The following UTP18 variants were observed in gnomAD, a reference collection of about 807,000 sequenced individuals.
UTP18 encodes UTP18 small subunit processome component.
UTP18 carries 36 observed loss-of-function variants against 61.1 expected under a neutral mutation model. The ratio of observed to expected loss-of-function variants is 0.59; its 90% confidence interval spans 0.45 to 0.78. The LOEUF is 0.78. Among genes scored for constraint, UTP18 ranks in the 30% least tolerant of loss-of-function variants. The probability of loss-of-function intolerance (pLI) is 0.00; values close to 1 mark genes in which losing one functional copy is unlikely to be tolerated. For synonymous variants in UTP18, 282 were observed against 251.1 expected, an observed-to-expected ratio of 1.12 and a Z score of -1.16; for missense variants, 753 against 693.9, an observed-to-expected ratio of 1.09 and a Z score of -0.96.
rs777916347 is a variant in UTP18 at position 51,280,477 on chromosome 17, C to T, written c.1202C>T (p.Ser401Leu). Residue 401 changes from serine to leucine, a missense_variant and splice_region_variant, in exon 9 of 14, where the codon TCG (serine) becomes TTG (leucine). Transcript: ENST00000225298. ...SSDSKKVYAS[S>L]GDGEVYVWDV... Reference sequence around the variant, plus strand: ...GATAGTAAGAAAGTATACGCCTCTTCGGGTAAGACAACGACATGAAAGAAG... The same window carrying T: ...GATAGTAAGAAAGTATACGCCTCTTTGGGTAAGACAACGACATGAAAGAAG... 7.9e-5 allele frequency: 128 copies of T among 1,613,524 alleles called. 2 individuals are homozygous for T. The East Asian group carries it at 2.5e-3, about 31-fold the overall frequency.
At chr17:51,262,550 G>C (rs2055517493) in intron 1 of UTP18, among the ~76,000 whole-genome samples, 1 of 152,100 alleles carries the variant, frequency 6.6e-6, no homozygotes, top group Non-Finnish European at 1.5e-5. Flanking sequence ...TTTGCTAATA[G>C]TAACTGGTTG....
chr17:51,285,691 C>T (rs978305164), intron 10 of UTP18, among the ~76,000 whole-genome samples: 27 of 152,134 alleles, frequency 1.8e-4, no homozygotes, highest in African/African-American at 6.5e-4. Context: ...TATATTGTTA[C>T]AATTGTTCTG....
chr17:51,261,093 C>T (rs774179433), intron 1 of UTP18, among the ~76,000 whole-genome samples, 167 bp downstream of exon 1: 2 of 152,366 alleles, frequency 1.3e-5, no homozygotes, highest in Admixed American at 1.3e-4. Context: ...GGTCCCTCGC[C>T]TCCCTGCTCC....
At chr17:51,281,450 GT>G (rs1272681894) in intron 9 of UTP18, among the ~76,000 whole-genome samples, 1 of 151,714 alleles carries the variant, frequency 6.6e-6, no homozygotes, top group African/African-American at 2.4e-5. Context: ...TTGTCACTTG[GT>G]TTTCAGGAAA....
chr17:51,260,823 T>C lies in UTP18; in HGVS notation c.239T>C (p.Leu80Pro), dbSNP rs1598468750. Residue 80 changes from leucine (L) to proline (P), a missense_variant, in exon 1 of 14, where the codon CTG (leucine) becomes CCG (proline). Physicochemically the swap from Leu to Pro is moderately conservative, Grantham distance 98 (BLOSUM62 -3). Transcript: ENST00000225298. ...CTCCGGCAGCGGAACCGCCTGAGGC[T>C]GGAGGAGGACAAACCGGCCGTGGAG... is the stretch of plus-strand genomic sequence containing the variant. ...RRLRQRNRLR[L>P]EEDKPAVERC... 5.0e-6 allele frequency: 8 copies of C among 1,595,366 alleles called. No individual in the cohort carries two copies. Among genetic ancestry groups the C allele is most frequent in the Non-Finnish European group, 6.8e-6 (8 of 1,172,024 alleles).
chr17:51,269,294 CAAAAAAAAAAAAAAAAAAAAA>C (rs58681434), intron 4 of UTP18, among the ~76,000 whole-genome samples: 2 of 66,666 alleles, frequency 3.0e-5, no homozygotes, highest in East Asian at 5.3e-4. Flanking sequence ...GACTCTGTCT[CAAAAAAAAAAAAAAAAAAAAA>C]AAAAAAAAAA....
Position 51,266,287 on chromosome 17 carries a change from G to T in UTP18, c.554+7G>T, listed in dbSNP as rs572425345. On this transcript the variant is annotated splice_region_variant and intron_variant, in intron 3 of 13. Transcript: ENST00000225298. ...AAAAGAGACTTAAAGAAGAGTAAGT[G>T]TCTTTTTTCATATGATTTACCAAGA... The T allele has an allele frequency of 5.7e-6, 9 of 1,573,526 alleles. No individual in the cohort carries two copies. The African/African-American group carries it at 1.2e-4, about 22-fold the overall frequency.
chr17:51,287,080 C>A (rs2144437614), intron 10 of UTP18, among the ~76,000 whole-genome samples: 1 of 144,794 alleles, frequency 6.9e-6, no homozygotes, highest in African/African-American at 2.5e-5. Context: ...GCAAGAAAAA[C>A]TGCGCAGAAA....
At chr17:51,294,649 G>A (rs540015915) in intron 12 of UTP18, among the ~76,000 whole-genome samples, 83 of 152,118 alleles carry the variant, frequency 5.5e-4, no homozygotes, top group African/African-American at 9.9e-4. Context: ...GAATAGTGCC[G>A]CATCAATAAA....
At chr17:51,294,655 A>G (rs755651922) in intron 12 of UTP18, among the ~76,000 whole-genome samples, 19 of 152,210 alleles carry the variant, frequency 1.2e-4, no homozygotes, top group African/African-American at 2.7e-4. Context: ...TGCCGCATCA[A>G]TAAACATACA....
chr17:51,275,931 C>G lies in UTP18; in HGVS notation c.777C>G (p.Phe259Leu). The part of the protein sequence containing the change: ...PTVARISSVQ[F>L]HPGAQIVMVA... ...TTGCTCGGATCTCATCTGTGCAGTT[C>G]CATCCCGGTGCACAGATTGTGATGG... is the stretch of plus-strand genomic sequence containing the variant. Residue 259 changes from phenylalanine to leucine, a missense_variant, in exon 6 of 14, where the codon TTC becomes TTG. Phe to Leu is a conservative substitution (Grantham distance 22). Coordinates refer to ENST00000225298, the MANE Select transcript of UTP18 (RefSeq NM_016001.3). The G allele has an allele frequency of 6.2e-7, 1 of 1,613,286 alleles. No homozygotes were observed. The highest frequency in any genetic ancestry group is 8.5e-7 in the Non-Finnish European group (1 of 1,179,672).
intron 1 of UTP18, 91 bp from the exon 2 acceptor site, chr17:51,263,183 C>T: frequency 2.0e-6 from 2 of 1,014,764 alleles, no homozygotes; most frequent in Admixed American, 4.6e-5. Flanking sequence ...GTAGAAAAAA[C>T]ATTCTATGAG....
At chr17:51,287,609 C>G (rs1172357228) in intron 10 of UTP18, among the ~76,000 whole-genome samples, 4 of 152,096 alleles carry the variant, frequency 2.6e-5, no homozygotes, top group African/African-American at 4.8e-5. Flanking sequence ...TGGCCACCCC[C>G]ACAAACCTTT....
intron 1 of UTP18, among the ~76,000 whole-genome samples, chr17:51,261,942 G>A (rs2055500362): frequency 6.6e-6 from 1 of 152,176 alleles, no homozygotes; most frequent in African/African-American, 2.4e-5. Context: ...TTGTCGTCTG[G>A]AAAAGGAACA....
At position 51,284,912 on chromosome 17, in the gene UTP18, T is replaced by C. The variant is rs942460637; in HGVS notation, c.1205-333T>C. Among the ~76,000 whole-genome samples, 6 of 152,000 alleles carry C rather than the reference T, an allele frequency of 3.9e-5. No homozygotes were observed. The South Asian group carries it at 1.2e-3, about 32-fold the overall frequency. On this transcript the variant is annotated intron_variant, in intron 9 of 13. Coordinates refer to ENST00000225298, the MANE Select transcript of UTP18 (RefSeq NM_016001.3). ...CCTGTCTCTACTAAAAATACAAAAA[T>C]TAACTACGCATGGTGGCACAAACCT...
chr17:51,276,993 T>C, intron 6 of UTP18, 137 bp from the exon 7 acceptor site: 2 of 820,606 alleles, frequency 2.4e-6, no homozygotes, highest in Admixed American at 2.9e-5. Flanking sequence ...ATTAAATCAC[T>C]GGCCGTGGCT....
rs572992746 is a variant in UTP18, at chr17:51,284,761, A to G, written c.1205-484A>G. Among the ~76,000 whole-genome samples, 6 of 152,310 alleles carry G rather than the reference A, an allele frequency of 3.9e-5. 1 individual carries two copies. Among genetic ancestry groups the G allele is most frequent in the Admixed American group, 3.9e-4 (6 of 15,294 alleles). ...AGTTTTCTTTTGTATATGTGAATGT[A>G]TACAAGAAATATTCTTAGGCCGGGC... On this transcript the variant is annotated intron_variant, in intron 9 of 13. Transcript: ENST00000225298.
At chr17:51,267,233 G>C (rs1306348473) in intron 3 of UTP18, among the ~76,000 whole-genome samples, 2 of 152,180 alleles carry the variant, frequency 1.3e-5, no homozygotes, top group Non-Finnish European at 2.9e-5. Flanking sequence ...AAAGTGCTGG[G>C]AATACAGAGG....
chr17:51,296,948 A>C lies in UTP18; in HGVS notation c.1647-17A>C. 6.2e-7 allele frequency: 1 copy of C among 1,604,630 alleles called. No homozygotes were observed. The highest frequency in any genetic ancestry group is 2.3e-5 in the East Asian group (1 of 44,248). ...AATTACAAAGTTGTTCAGATGACTTATTTTTTACTTTTCCAGGTTGCACCA... is the reference window on the plus strand; with the variant it reads ...AATTACAAAGTTGTTCAGATGACTTCTTTTTTACTTTTCCAGGTTGCACCA... On this transcript the variant is annotated splice_polypyrimidine_tract_variant and intron_variant, in intron 12 of 13. Coordinates refer to ENST00000225298, the MANE Select transcript of UTP18 (RefSeq NM_016001.3).
Sources: allele counts gnomAD v4.1 joint callset (sites outside exome capture counted in the v4.1 genomes callset), GRCh38; gene constraint gnomAD v4.1.1; transcripts MANE v1.5; gene names NCBI Gene and HGNC (gene_info 2026-07-23, HGNC 2026-07-21).